MAP3K21: variants seen among roughly 807,000 people sequenced by gnomAD.
MAP3K21 encodes the protein mitogen-activated protein kinase kinase kinase MLK4.
A neutral mutation model predicts 86.1 loss-of-function variants in MAP3K21; 63 were observed. That is an observed-to-expected ratio of 0.73 (90% CI 0.60 to 0.90). The LOEUF (loss-of-function observed/expected upper bound fraction) is 0.90. MAP3K21 is among the 40% of genes least tolerant of loss of function. MAP3K21 has a pLI of 0.00. For missense variants in MAP3K21, 1,220 were observed against 1,367.7 expected (o/e 0.89, Z 1.70); for synonymous variants, 558 against 564.8 (o/e 0.99, Z 0.17).
intron 5 of MAP3K21, among the ~76,000 whole-genome samples, chr1:233,369,867 G>A (rs1371204817): frequency 1.3e-5 from 2 of 152,168 alleles, no homozygotes; most frequent in Admixed American, 6.5e-5. Flanking sequence ...AGGCTGTGAC[G>A]AGTGAGAGGA....
chr1:233,374,760 T>C (rs934826193), intron 6 of MAP3K21, among the ~76,000 whole-genome samples: 11 of 151,924 alleles, frequency 7.2e-5, no homozygotes, highest in Non-Finnish European at 1.5e-4. Flanking sequence ...AATGTATTTA[T>C]TATATGTAAT....
In MAP3K21 at chr1:233,382,637, G is replaced by C; in HGVS notation, c.3037G>C (p.Val1013Leu). ...DVEGQSRDYT[V>L]PLCRMRSKTS... Reference sequence around the variant, plus strand: ...GGAAGGTCAGAGCAGGGACTACACTGTGCCACTGTGCAGAATGAGGAGCAA... The same window carrying C: ...GGAAGGTCAGAGCAGGGACTACACTCTGCCACTGTGCAGAATGAGGAGCAA... The change falls in exon 10 of 10, where the codon GTG becomes CTG. Residue 1013 changes from valine to leucine, a missense_variant. Val to Leu is a conservative substitution (Grantham distance 32, BLOSUM62 1). Around this residue, in one of 5 missense-constraint regions of MAP3K21, gnomAD observed 632 missense variants for 691.3 expected, o/e 0.91. Transcript: ENST00000366624. 6.2e-7 allele frequency: 1 copy of C among 1,614,156 alleles called. No individual in the cohort carries two copies. The highest frequency in any genetic ancestry group is 8.5e-7 in the Non-Finnish European group (1 of 1,180,014).
Position 233,372,026 on chromosome 1 carries a change from TGCCTCCAACAG to T in MAP3K21, c.1553-11_1553-1del. Reference sequence around the variant, plus strand: ...CCATGAAATACCAGTTCTCCCTTTTTGCCTCCAACAGATTTCCAGCACAAGATAACCGTGCA... The same window carrying T: ...CCATGAAATACCAGTTCTCCCTTTTTATTTCCAGCACAAGATAACCGTGCA... On this transcript the variant is annotated splice_acceptor_variant and splice_polypyrimidine_tract_variant and intron_variant, in intron 5 of 9. Coordinates refer to ENST00000366624, the MANE Select transcript of MAP3K21 (RefSeq NM_032435.3). LOFTEE classifies it high-confidence loss of function. 1.9e-6 allele frequency: 3 copies of T among 1,609,858 alleles called. No homozygotes were observed. Among genetic ancestry groups the T allele is most frequent in the African/African-American group, 2.7e-5 (2 of 74,928 alleles).
chr1:233,347,413 C>T (rs893147464), intron 2 of MAP3K21, among the ~76,000 whole-genome samples: 5 of 152,126 alleles, frequency 3.3e-5, no homozygotes, highest in African/African-American at 1.2e-4. Flanking sequence ...AGGATGCTAA[C>T]AATTACAAAA....
chr1:233,352,245 A>G (rs2102752486), intron 2 of MAP3K21, among the ~76,000 whole-genome samples: 1 of 152,260 alleles, frequency 6.6e-6, no homozygotes, highest in Non-Finnish European at 1.5e-5. Flanking sequence ...GTGATGTTCC[A>G]ATACATACAA....
chr1:233,358,618 G>C (rs1663410474), intron 4 of MAP3K21, among the ~76,000 whole-genome samples: 2 of 151,952 alleles, frequency 1.3e-5, no homozygotes, highest in Admixed American at 1.3e-4. Flanking sequence ...CTAAAATTTG[G>C]AAATGATGTT....
chr1:233,351,301 ATATAT>A (rs1271463312), intron 2 of MAP3K21, among the ~76,000 whole-genome samples: 5 of 152,210 alleles, frequency 3.3e-5, no homozygotes, highest in Admixed American at 6.5e-5. Flanking sequence ...AGTACATTAA[ATATAT>A]TATATATTTC....
In MAP3K21 at chr1:233,379,531, C is replaced by T. The variant is rs759510536; in HGVS notation, c.2525C>T (p.Ala842Val). Residue 842 changes from alanine (A) to valine (V), a missense_variant, in exon 9 of 10, where the codon GCC becomes GTC. By Grantham distance (64) the Ala-to-Val change is moderately conservative (BLOSUM62 0). Around this residue, in one of 5 missense-constraint regions of MAP3K21, gnomAD observed 632 missense variants for 691.3 expected, o/e 0.91. Transcript: ENST00000366624. ...EMLTPDFCPT[A>V]PGSGREPALM... ...CTCACTCCGGATTTTTGTCCCACTG[C>T]CCCAGGAAGTGGTCGTGAGCCAGCC... 56 of 1,614,072 alleles carry T rather than the reference C, an allele frequency of 3.5e-5. No homozygotes were observed. The highest frequency in any genetic ancestry group is 4.7e-5 in the Non-Finnish European group (55 of 1,180,040).
chr1:233,355,117 C>A, intron 4 of MAP3K21, 106 bp downstream of exon 4: 1 of 804,940 alleles, frequency 1.2e-6, no homozygotes, highest in Non-Finnish European at 1.9e-6. Context: ...CTTTAGATAT[C>A]AATATTTGTT....
intron 1 of MAP3K21, among the ~76,000 whole-genome samples, chr1:233,334,791 A>T (rs1461217779): frequency 6.6e-6 from 1 of 152,186 alleles, no homozygotes; most frequent in African/African-American, 2.4e-5. Context: ...TCATTGCTTT[A>T]TGACTGTACT....
intron 9 of MAP3K21, among the ~76,000 whole-genome samples, chr1:233,380,657 G>C (rs1321058762): frequency 1.3e-5 from 2 of 152,228 alleles, no homozygotes; most frequent in African/African-American, 4.8e-5. Flanking sequence ...TATTCAACAA[G>C]AGGGGCTTGG....
At chr1:233,333,868 G>T (rs572944392) in intron 1 of MAP3K21, among the ~76,000 whole-genome samples, 2 of 152,194 alleles carry the variant, frequency 1.3e-5, no homozygotes, top group East Asian at 3.9e-4. Context: ...TTTTGTGTGT[G>T]TTTTTGTTTT....
intron 8 of MAP3K21, among the ~76,000 whole-genome samples, chr1:233,377,547 C>T (rs1404305132): frequency 2.6e-5 from 4 of 152,086 alleles, no homozygotes; most frequent in Non-Finnish European, 5.9e-5. Context: ...ACAAAAGGCA[C>T]CACAGGGAAG....
In MAP3K21 at chr1:233,339,265, TTCCTCTTCTTCTTCTTCTTCTTCTTCC is replaced by T. The variant is rs1234025359; in HGVS notation, c.806-7174_806-7148del. ...CTTCTTCTTCTTCTTCTTCTTCTTC[TTCCTCTTCTTCTTCTTCTTCTTCTTCC>T]TCTTCTTCTTCCTCTTCTTCTTCCT... is the stretch of plus-strand genomic sequence containing the variant. On this transcript the variant is annotated intron_variant, in intron 1 of 9. Transcript: ENST00000366624. 4.9e-3 allele frequency among the ~76,000 whole-genome samples: 123 copies of T among 25,188 alleles called. 14 individuals are homozygous for T. The highest frequency in any genetic ancestry group is 0.014 in the East Asian group (6 of 424). 16.5% of individuals were successfully genotyped at this position (25,188 alleles called of 152,430 possible).
chr1:233,367,217 G>T (rs574777099), intron 5 of MAP3K21, among the ~76,000 whole-genome samples: 1 of 152,206 alleles, frequency 6.6e-6, no homozygotes, highest in South Asian at 2.1e-4. Flanking sequence ...TACCTCACAG[G>T]TATGCGAGTG....
chr1:233,360,038 A>C (rs1318457149), intron 4 of MAP3K21, among the ~76,000 whole-genome samples: 1 of 152,234 alleles, frequency 6.6e-6, no homozygotes, highest in Admixed American at 6.5e-5. Flanking sequence ...ATGTTTTTTT[A>C]TTCAATTACT....
At chr1:233,346,774 G>A (rs1462705675) in intron 2 of MAP3K21, 152 bp downstream of exon 2, 8 of 685,856 alleles carry the variant, frequency 1.2e-5, no homozygotes, top group South Asian at 3.9e-5. Flanking sequence ...TAATGACAAC[G>A]GAACAGATAA....
At chr1:233,367,952 G>A (rs962073380) in intron 5 of MAP3K21, among the ~76,000 whole-genome samples, 1 of 152,174 alleles carries the variant, frequency 6.6e-6, no homozygotes. Flanking sequence ...AAGGTTGGAA[G>A]CACTCTGAAT....
chr1:233,335,019 T>C, intron 1 of MAP3K21, among the ~76,000 whole-genome samples: 1 of 151,808 alleles, frequency 6.6e-6, no homozygotes. Context: ...ATGTGCAGGT[T>C]TGTTACATTT....
Sources: gnomAD v4.1 joint callset for allele counts (sites outside exome capture counted in the v4.1 genomes callset) on GRCh38, gnomAD v4.1.1 for gene constraint, gnomAD v4.1.1 regional missense constraint, MANE v1.5 for transcripts, NCBI Gene and HGNC (gene_info 2026-07-23, HGNC 2026-07-21) for gene names.